The following CD109 variants were observed in gnomAD, a reference collection of about 807,000 sequenced individuals.
CD109 encodes the protein CD109 antigen.
In CD109, 149 loss-of-function variants were observed where a neutral mutation model predicts 165.8. That is an observed-to-expected ratio of 0.90 (90% CI 0.79 to 1.03). CD109 has a LOEUF of 1.03. Among genes scored for constraint, CD109 ranks in the 50% least tolerant of loss-of-function variants. The pLI is 0.00. For missense variants in CD109, 1,712 were observed against 1,677.8 expected (o/e 1.02, Z -0.36); for synonymous variants, 585 against 592.1 (o/e 0.99, Z 0.18).
intron 5 of CD109, among the ~76,000 whole-genome samples, chr6:73,739,780 G>A (rs1206612241): frequency 3.3e-5 from 5 of 152,058 alleles, no homozygotes; most frequent in South Asian, 2.1e-4. Context: ...CCTGGGAGGC[G>A]GAGCTTGCAG....
intron 5 of CD109, among the ~76,000 whole-genome samples, chr6:73,742,509 G>T (rs560317003): frequency 5.9e-5 from 9 of 152,220 alleles, no homozygotes; most frequent in Non-Finnish European, 1.3e-4. Flanking sequence ...CAGGCTTCTG[G>T]GAGCCAGGAG....
At chr6:73,697,364 A>C in intron 1 of CD109, 36 bp from the exon 2 acceptor site, 2 of 1,599,730 alleles carry the variant, frequency 1.3e-6, no homozygotes, top group Non-Finnish European at 1.7e-6. Context: ...TGTGAGGATA[A>C]GAAACTTTGT....
At chr6:73,788,748 C>A in intron 22 of CD109, 136 bp downstream of exon 22, 1 of 690,560 alleles carries the variant, frequency 1.4e-6, no homozygotes, top group Non-Finnish European at 2.4e-6. Flanking sequence ...GGCCCAACAA[C>A]TCATTATAAT....
At chr6:73,767,646 T>C (rs990334293) in intron 13 of CD109, among the ~76,000 whole-genome samples, 1 of 152,196 alleles carries the variant, frequency 6.6e-6, no homozygotes, top group African/African-American at 2.4e-5. Flanking sequence ...AACTAAACCT[T>C]GTTTTATGTT....
intron 10 of CD109, among the ~76,000 whole-genome samples, chr6:73,765,697 A>G (rs1482204714): frequency 1.3e-5 from 2 of 152,162 alleles, no homozygotes; most frequent in African/African-American, 4.8e-5. Context: ...AAAGAGAGGT[A>G]GGAAGTGAAG....
At position 73,780,419 on chromosome 6, in the gene CD109, C is replaced by T; in HGVS notation, c.1828-5C>T. 1 of 1,561,216 alleles carries T rather than the reference C, an allele frequency of 6.4e-7. No homozygotes were observed. The highest frequency in any genetic ancestry group is 8.8e-7 in the Non-Finnish European group (1 of 1,133,066). On this transcript the variant is annotated splice_polypyrimidine_tract_variant and splice_region_variant and intron_variant, in intron 15 of 32. Coordinates refer to ENST00000287097, the MANE Select transcript of CD109 (RefSeq NM_133493.5). ...TTCATTCCGTATATTTTATCTTCTC[C>T]TTAGGTGGTCCATGAGTTGGAACTT...
chr6:73,724,248 G>C (rs145206119), intron 3 of CD109, among the ~76,000 whole-genome samples: 56 of 152,190 alleles, frequency 3.7e-4, no homozygotes, highest in African/African-American at 1.3e-3. Flanking sequence ...AGAGAATGAA[G>C]ATACCATCTT....
chr6:73,722,934 A>G (rs1042247789), intron 2 of CD109, among the ~76,000 whole-genome samples: 1 of 152,208 alleles, frequency 6.6e-6, no homozygotes, highest in Non-Finnish European at 1.5e-5. Context: ...TCCCGCAAGC[A>G]CGTATAACCT....
At chr6:73,744,392 T>C (rs951471356) in intron 5 of CD109, among the ~76,000 whole-genome samples, 4 of 152,232 alleles carry the variant, frequency 2.6e-5, no homozygotes, top group Non-Finnish European at 4.4e-5. Context: ...CACTCTGCTA[T>C]ATCATCTTGC....
chr6:73,709,558 G>A (rs949934409), intron 2 of CD109, among the ~76,000 whole-genome samples: 3 of 152,100 alleles, frequency 2.0e-5, no homozygotes, highest in Non-Finnish European at 2.9e-5. Flanking sequence ...GTAGCTTGAT[G>A]GGGATGGCAT....
chr6:73,739,226 A>G (rs904638964), intron 5 of CD109, among the ~76,000 whole-genome samples: 1 of 152,182 alleles, frequency 6.6e-6, no homozygotes, highest in South Asian at 2.1e-4. Flanking sequence ...CATTTGAGGT[A>G]TGTTAATTTG....
At chr6:73,743,744 G>A (rs941399171) in intron 5 of CD109, among the ~76,000 whole-genome samples, 1 of 152,194 alleles carries the variant, frequency 6.6e-6, no homozygotes, top group Admixed American at 6.5e-5. Context: ...AAAGCATGGA[G>A]CAAAACTTTG....
rs2150285734 is a variant in CD109, at chr6:73,802,106, T to TGAAA, written c.2879-1113_2879-1110dup. On this transcript the variant is annotated intron_variant, in intron 23 of 32. Transcript: ENST00000287097. The stretch of plus-strand genomic sequence containing the variant: ...ATCTGTATGCATTGCTTTGCAAATA[T>TGAAA]GAAACATCTGCTTTTTATTTGCAAT... 1.3e-5 allele frequency among the ~76,000 whole-genome samples: 2 copies of TGAAA among 152,182 alleles called. 1 individual carries two copies. Among genetic ancestry groups the TGAAA allele is most frequent in the East Asian group, 3.9e-4 (2 of 5,186 alleles).
At chr6:73,791,210 T>TACAC (rs1774950262) in intron 22 of CD109, among the ~76,000 whole-genome samples, 1 of 99,824 alleles carries the variant, frequency 1.0e-5, no homozygotes, top group African/African-American at 3.8e-5. Flanking sequence ...TATATATATA[T>TACAC]ATATATATAT....
At position 73,788,617 on chromosome 6, in the gene CD109, G is replaced by T. The variant is rs1247866170; in HGVS notation, c.2701+5G>T. The T allele has an allele frequency of 6.2e-7, 1 of 1,607,334 alleles. No individual in the cohort carries two copies. The highest frequency in any genetic ancestry group is 1.1e-5 in the South Asian group (1 of 90,046). ...GAGTTCAGATCACTGCAATTGGTAAGAATAGAGTATATCACCATCTATTGG... is the reference window on the plus strand; with the variant it reads ...GAGTTCAGATCACTGCAATTGGTAATAATAGAGTATATCACCATCTATTGG... On this transcript the variant is annotated splice_donor_5th_base_variant and intron_variant, in intron 22 of 32. Transcript: ENST00000287097.
chr6:73,715,127 G>T (rs1771678349), intron 2 of CD109, among the ~76,000 whole-genome samples: 1 of 152,164 alleles, frequency 6.6e-6, no homozygotes, highest in African/African-American at 2.4e-5. Flanking sequence ...AGCTGTGATG[G>T]TGCTTGCCTG....
upstream of CD109, chr6:73,695,915 G>A (rs1449033108): frequency 2.5e-6 from 1 of 402,602 alleles, no homozygotes; most frequent in Non-Finnish European, 4.6e-6. Context: ...TGTTCTCCGC[G>A]GCCAGCTGGG....
intron 23 of CD109, among the ~76,000 whole-genome samples, chr6:73,793,423 A>G (rs914259115): frequency 6.6e-6 from 1 of 152,250 alleles, no homozygotes; most frequent in African/African-American, 2.4e-5. Context: ...AGCAGCTAAC[A>G]TGAGTTGAGT....
At chr6:73,694,846 T>G (rs1387104419), upstream of CD109, 1 of 151,772 alleles carries the variant, frequency 6.6e-6, no homozygotes, top group East Asian at 2.0e-4. Context: ...CAGGAACAGG[T>G]CAGCACCCAG....
Sources: gnomAD v4.1 joint callset for allele counts (sites outside exome capture counted in the v4.1 genomes callset) on GRCh38, gnomAD v4.1.1 for gene constraint, MANE v1.5 for transcripts, NCBI Gene and HGNC (gene_info 2026-07-23, HGNC 2026-07-21) for gene names.